The following DUSP15 variants were observed in gnomAD, a reference collection of about 807,000 sequenced individuals.
DUSP15 encodes the protein dual specificity phosphatase 15.
Under a neutral mutation model 26.3 loss-of-function variants are expected in DUSP15, and 23 were observed. That is an observed-to-expected ratio of 0.87 (90% CI 0.63 to 1.24). DUSP15 has a LOEUF of 1.24. Ranked by LOEUF, DUSP15 falls within the 50% of genes most tolerant of loss-of-function variation. DUSP15 has a pLI of 0.00. For synonymous variants in DUSP15, 143 were observed against 135.5 expected, an observed-to-expected ratio of 1.06 and a Z score of -0.39; for missense variants, 364 against 320.6, an observed-to-expected ratio of 1.14 and a Z score of -1.03.
At chr20:31,863,616 G>GA in intron 5 of DUSP15, 1 of 361,060 alleles carries the variant, frequency 2.8e-6, no homozygotes. Flanking sequence ...CTACCTCCAT[G>GA]ACCTCACCTA....
intron 4 of DUSP15, chr20:31,864,308 C>A (rs933190778): frequency 4.1e-5 from 46 of 1,119,320 alleles, no homozygotes; most frequent in Non-Finnish European, 5.1e-5. Context: ...ACACAGGGGT[C>A]CCACTCCTCT....
chr20:31,848,090 A>G, exon 10 of DUSP15: 1 of 345,014 alleles, frequency 2.9e-6, no homozygotes, highest in Non-Finnish European at 5.2e-6. Flanking sequence ...ACAGCAGGTT[A>G]AGGCTGGCTC....
At chr20:31,858,978 C>T (rs1237781440), downstream of DUSP15, among the ~76,000 whole-genome samples, 2 of 152,160 alleles carry the variant, frequency 1.3e-5, no homozygotes, top group Non-Finnish European at 2.9e-5. This position sits in a 1 kb window ranked among gnomAD's most constrained non-coding sequence, Gnocchi z 4.4. Context: ...TCCCACTTAC[C>T]GACTGCTCAT....
At chr20:31,868,990 T>C (rs1035044293) in intron 2 of DUSP15, among the ~76,000 whole-genome samples, 2 of 152,212 alleles carry the variant, frequency 1.3e-5, no homozygotes, top group African/African-American at 4.8e-5. Flanking sequence ...AGCTCTAGGC[T>C]GCCCAGCTGC....
intron 8 of DUSP15, chr20:31,849,565 C>A: frequency 9.2e-7 from 1 of 1,082,924 alleles, no homozygotes; most frequent in South Asian, 1.3e-5. Context: ...GTGTGTTCAG[C>A]AGGTGGCAGG....
intron 5 of DUSP15, 108 bp from the exon 6 acceptor site, chr20:31,862,850 A>C: frequency 8.7e-7 from 1 of 1,153,498 alleles, no homozygotes; most frequent in Non-Finnish European, 1.2e-6. Context: ...CTGAGCTCCA[A>C]CCATAAGGGA....
chr20:31,863,266 C>T (rs1229976838), intron 5 of DUSP15, among the ~76,000 whole-genome samples: 1 of 152,114 alleles, frequency 6.6e-6, no homozygotes, highest in Non-Finnish European at 1.5e-5. Context: ...TAGTCAGGAA[C>T]CTTCTGGGCA....
At chr20:31,845,652 C>T (rs2062370800), downstream of DUSP15, 2 of 1,366,782 alleles carry the variant, frequency 1.5e-6, no homozygotes, top group South Asian at 1.4e-5. Context: ...GGCCCAGCCT[C>T]CCAGCCTGGA....
chr20:31,848,214 C>A, exon 10 of DUSP15: 1 of 554,196 alleles, frequency 1.8e-6, no homozygotes. Context: ...TGCCGAAGCC[C>A]CATGCCCAGC....
chr20:31,870,255 C>T lies in DUSP15; in HGVS notation c.21+62G>A, dbSNP rs867116313. On this transcript the variant is annotated intron_variant, in intron 1 of 6. Transcript: ENST00000339738. This position sits in a 1 kb window ranked among gnomAD's most constrained non-coding sequence, Gnocchi z 6.6. ...TCAGAGGCGGGCGGACCGAGCTGGT[C>T]AGCGCCGGGCCGCGGCGGCCGGGGC... 357 of 1,225,396 alleles carry T rather than the reference C, an allele frequency of 2.9e-4. 4 individuals are homozygous for T. In the East Asian group the frequency reaches 0.01, roughly 35 times the overall value. 75.9% of individuals were successfully genotyped at this position (1,225,396 alleles called of 1,614,324 possible).
downstream of DUSP15, among the ~76,000 whole-genome samples, chr20:31,859,258 C>T (rs183087319): frequency 8.9e-4 from 134 of 149,930 alleles, no homozygotes; most frequent in African/African-American, 3.1e-3. Flanking sequence ...GGTCTCTGAC[C>T]CCCTAAAAGT....
chr20:31,857,012 G>A (rs892866111), downstream of DUSP15, among the ~76,000 whole-genome samples: 1 of 152,120 alleles, frequency 6.6e-6, no homozygotes, highest in Admixed American at 6.6e-5. Flanking sequence ...AGTGACATAT[G>A]CTTAGATTTG....
Position 31,861,584 on chromosome 20 carries a change from C to G in DUSP15, c.527G>C (p.Arg176Pro), listed in dbSNP as rs1236522458. Residue 176 changes from arginine to proline, a missense_variant, in exon 7 of 7, where the codon CGG (arginine) becomes CCG (proline). Arg to Pro is a moderately radical substitution (Grantham distance 103). Transcript: ENST00000339738. The stretch of plus-strand genomic sequence containing the variant: ...GGAGGCCGAGGTCGCGGAGCCCTGC[C>G]GGCAGCGCTTGCACAGCGGCAGCAG... ...RALLPLCKRC[R>P]QGSATSASSA... 32 of 1,496,018 alleles carry G rather than the reference C, an allele frequency of 2.1e-5. No homozygotes were observed. The highest frequency in any genetic ancestry group is 2.5e-5 in the Non-Finnish European group (28 of 1,131,128). The allele number at this position is 1,496,018 out of a possible 1,614,324, so 92.7% of individuals were successfully genotyped here.
chr20:31,849,883 C>T (rs2062438197), intron 7 of DUSP15: 3 of 1,485,120 alleles, frequency 2.0e-6, no homozygotes, highest in Non-Finnish European at 2.7e-6. Flanking sequence ...GGCTGTGGGG[C>T]GAGAGAGGGT....
chr20:31,868,192 G>A (rs1477925754), intron 2 of DUSP15, among the ~76,000 whole-genome samples: 2 of 152,202 alleles, frequency 1.3e-5, no homozygotes, highest in Non-Finnish European at 2.9e-5. Context: ...CTGGGCACTG[G>A]AGGTCTGGGG....
chr20:31,851,125 C>T lies in DUSP15; in HGVS notation c.427-449G>A, dbSNP rs963217655. On this transcript the variant is annotated intron_variant, in intron 6 of 9. Coordinates refer to the DUSP15 transcript ENST00000278979. The stretch of plus-strand genomic sequence containing the variant: ...TGAAGTTTCAGAGCTCAAACTCCCC[C>T]GCCCCCATGGAGGTAAAGAGAAAGT... Among the ~76,000 whole-genome samples, 38 of 152,282 alleles carry T rather than the reference C, an allele frequency of 2.5e-4. 1 individual carries two copies. Among genetic ancestry groups the T allele is most frequent in the African/African-American group, 7.5e-4 (31 of 41,554 alleles).
intron 3 of DUSP15, among the ~76,000 whole-genome samples, chr20:31,866,003 C>T (rs2062756531): frequency 6.6e-6 from 1 of 152,152 alleles, no homozygotes. Flanking sequence ...CGAGGCTGCC[C>T]TATGAGGCAA....
intron 9 of DUSP15, chr20:31,848,589 A>C (rs1383916763): frequency 1.3e-6 from 2 of 1,547,608 alleles, no homozygotes; most frequent in Admixed American, 4.2e-5. Context: ...TGGGGCGATG[A>C]GCAGACCCTC....
At chr20:31,847,697 C>G (rs892249809) in exon 10 of DUSP15, 1 of 152,126 alleles carries the variant, frequency 6.6e-6, no homozygotes, top group African/African-American at 2.4e-5. Flanking sequence ...GGTTGTAGTC[C>G]CCCTTTCCAG....
Sources: allele counts gnomAD v4.1 joint callset (sites outside exome capture counted in the v4.1 genomes callset), GRCh38; gene constraint gnomAD v4.1.1; non-coding constraint Gnocchi (gnomAD v3.1); transcripts MANE v1.5; gene names NCBI Gene and HGNC (gene_info 2026-07-23, HGNC 2026-07-21).